Variants in PHTF1 observed in about 807,000 individuals in gnomAD.
The protein encoded by PHTF1 is putative homeodomain transcription factor 1.
In PHTF1, 88 loss-of-function variants were observed where a neutral mutation model predicts 102.4. That is an observed-to-expected ratio of 0.86 (90% confidence interval 0.72 to 1.03). The LOEUF (loss-of-function observed/expected upper bound fraction) is 1.03. Among genes scored for constraint, PHTF1 ranks in the 50% least tolerant of loss-of-function variants. The probability of loss-of-function intolerance (pLI) is 0.00; values close to 1 mark genes in which losing one functional copy is unlikely to be tolerated. For missense variants in PHTF1, 814 were observed against 909.5 expected (o/e 0.89, Z 1.35); for synonymous variants, 289 against 305.2 (o/e 0.95, Z 0.55).
intron 3 of PHTF1, chr1:113,749,586 T>A (rs945804120): frequency 6.6e-6 from 1 of 152,210 alleles, no homozygotes; most frequent in South Asian, 2.1e-4. Context: ...TTCAACCCGG[T>A]CTTCTGTCAG....
At chr1:113,702,097 T>C (rs1649518955) in intron 15 of PHTF1, among the ~76,000 whole-genome samples, 1 of 152,076 alleles carries the variant, frequency 6.6e-6, no homozygotes, top group East Asian at 1.9e-4. Context: ...TTTTAAAATA[T>C]ATGTAAAATT....
At chr1:113,759,497 C>A (rs536109044), upstream of PHTF1, 4 of 152,256 alleles carry the variant, frequency 2.6e-5, no homozygotes, top group African/African-American at 7.2e-5. Context: ...GAGATCTGGG[C>A]TAGAGCCGCT....
chr1:113,706,473 A>C (rs1189738527), intron 12 of PHTF1, 121 bp downstream of exon 12: 7 of 594,574 alleles, frequency 1.2e-5, no homozygotes, highest in African/African-American at 1.9e-5. Context: ...TATATATAAT[A>C]TGATATATAT....
intron 3 of PHTF1, among the ~76,000 whole-genome samples, chr1:113,739,561 T>C (rs1305315512): frequency 6.6e-6 from 1 of 152,236 alleles, no homozygotes; most frequent in Non-Finnish European, 1.5e-5. Flanking sequence ...ACCTTGAACA[T>C]TTATCATTTC....
intron 3 of PHTF1, among the ~76,000 whole-genome samples, chr1:113,754,003 T>C (rs532203275): frequency 1.2e-4 from 19 of 152,352 alleles, no homozygotes; most frequent in Admixed American, 1.1e-3. Context: ...ATTATAAGTA[T>C]AGTAGCTTGT....
At chr1:113,717,476 C>G (rs1652234569) in intron 7 of PHTF1, among the ~76,000 whole-genome samples, 1 of 151,818 alleles carries the variant, frequency 6.6e-6, no homozygotes, top group South Asian at 2.1e-4. Context: ...CTACAAGAAA[C>G]AAACTTTATA....
At chr1:113,742,968 TTTG>T (rs913391035) in intron 3 of PHTF1, among the ~76,000 whole-genome samples, 2 of 151,644 alleles carry the variant, frequency 1.3e-5, no homozygotes, top group South Asian at 2.1e-4. Context: ...CAAGGAGTTT[TTTG>T]TTGTTGTTGT....
chr1:113,716,015 G>C (rs1651965380), intron 7 of PHTF1, among the ~76,000 whole-genome samples: 1 of 152,088 alleles, frequency 6.6e-6, no homozygotes, highest in Non-Finnish European at 1.5e-5. Context: ...ACCTTAAAGA[G>C]GCGGTAGAGA....
chr1:113,745,656 A>G (rs548267116), intron 3 of PHTF1, among the ~76,000 whole-genome samples: 6 of 152,174 alleles, frequency 3.9e-5, no homozygotes, highest in Admixed American at 3.9e-4. Context: ...CTCCTGTCAG[A>G]TGAGTGGCGG....
intron 13 of PHTF1, 42 bp from the exon 14 acceptor site, chr1:113,704,839 GTGTC>G (rs1557905527): frequency 2.9e-6 from 4 of 1,357,672 alleles, no homozygotes; most frequent in Admixed American, 2.0e-5. Context: ...ATGTATGTAT[GTGTC>G]TGTGTATTCA....
chr1:113,749,029 G>A (rs1272303866), intron 3 of PHTF1, among the ~76,000 whole-genome samples: 1 of 152,106 alleles, frequency 6.6e-6, no homozygotes, highest in Non-Finnish European at 1.5e-5. Context: ...GTTATTATTT[G>A]TGTGGTGAGA....
chr1:113,731,419 G>T (rs923201285), intron 5 of PHTF1, among the ~76,000 whole-genome samples: 1 of 151,846 alleles, frequency 6.6e-6, no homozygotes, highest in Non-Finnish European at 1.5e-5. Context: ...CACACCTATA[G>T]TCCCAGCTAC....
At chr1:113,723,773 T>C (rs1043815947) in intron 7 of PHTF1, among the ~76,000 whole-genome samples, 3 of 151,974 alleles carry the variant, frequency 2.0e-5, no homozygotes, top group African/African-American at 7.3e-5. Context: ...AATGGACAAA[T>C]GAGATCACAT....
At position 113,715,946 on chromosome 1, in the gene PHTF1, T is replaced by C. The variant is rs548528676; in HGVS notation, c.624-2508A>G. On this transcript the variant is annotated intron_variant, in intron 7 of 18. Transcript: ENST00000369604. The stretch of plus-strand genomic sequence containing the variant: ...ACAAAAGAAAAAGAATAAAAAAGAA[T>C]GAAACACACCTAAAAGATCTGGAAA... Among the ~76,000 whole-genome samples the C allele has an allele frequency of 5.3e-5, 8 of 151,650 alleles. No homozygotes were observed. The East Asian group carries it at 1.2e-3, about 22-fold the overall frequency.
chr1:113,708,754 C>T (rs1416506101), intron 11 of PHTF1, among the ~76,000 whole-genome samples: 1 of 152,088 alleles, frequency 6.6e-6, no homozygotes, highest in Non-Finnish European at 1.5e-5. Flanking sequence ...TGATTTATTG[C>T]ATTTGACATG....
In PHTF1 at chr1:113,759,156, G is replaced by A. The variant is rs1439744206; in HGVS notation, c.-164C>T. 7 of 908,270 alleles carry A rather than the reference G, an allele frequency of 7.7e-6. No individual in the cohort carries two copies. The South Asian group carries it at 2.5e-4, about 32-fold the overall frequency. The allele number at this position is 908,270 out of a possible 1,614,324, so 56.3% of individuals were successfully genotyped here. A position where few individuals can be genotyped will look rare whatever the true frequency, so the allele number is the denominator to read the frequency against. The stretch of plus-strand genomic sequence containing the variant: ...CCCTCCAGGCGGAGACGCCGGAGAG[G>A]CCGTTACCATGGAGACCGCGGAGGC... On this transcript the variant is annotated 5_prime_UTR_variant, in exon 1 of 19. Transcript: ENST00000369604.
chr1:113,710,105 G>T, intron 11 of PHTF1, 149 bp downstream of exon 11: 1 of 649,422 alleles, frequency 1.5e-6, no homozygotes. Context: ...TTCACTTATA[G>T]ACTATGCTCA....
At chr1:113,699,520 A>C (rs1200868488) in intron 17 of PHTF1, 184 bp downstream of exon 17, 1 of 657,666 alleles carries the variant, frequency 1.5e-6, no homozygotes, top group Non-Finnish European at 2.8e-6. Flanking sequence ...TGCCTCCAGG[A>C]GCTCTGTGAC....
At chr1:113,755,757 G>T (rs545559889) in intron 3 of PHTF1, among the ~76,000 whole-genome samples, 1 of 152,114 alleles carries the variant, frequency 6.6e-6, no homozygotes, top group South Asian at 2.1e-4. Flanking sequence ...ACATGGAAAA[G>T]AGTGAAGGAA....
Sources: allele counts gnomAD v4.1 joint callset (sites outside exome capture counted in the v4.1 genomes callset), GRCh38; gene constraint gnomAD v4.1.1; transcripts MANE v1.5; gene names NCBI Gene and HGNC (gene_info 2026-07-23, HGNC 2026-07-21).